The following ROBO1 variants were observed in gnomAD, a reference collection of about 807,000 sequenced individuals.
The protein encoded by ROBO1 is roundabout guidance receptor 1, also known as roundabout homolog 1.
ROBO1 carries 149 observed loss-of-function variants against 195.9 expected under a neutral mutation model. That is an observed-to-expected ratio of 0.76 (90% CI 0.67 to 0.87). The LOEUF (loss-of-function observed/expected upper bound fraction) is 0.87, where lower values mean the gene tolerates loss of function less well. ROBO1 is among the 40% of genes least tolerant of loss of function. The pLI, the probability that ROBO1 is intolerant of heterozygous loss-of-function variation, is 0.00. For missense variants in ROBO1, 1,933 were observed against 2,068.3 expected (o/e 0.93, Z 1.27); for synonymous variants, 816 against 733.2 (o/e 1.11, Z -1.82).
chr3:79,372,055 G>T (rs898372961), intron 2 of ROBO1, among the ~76,000 whole-genome samples: 4 of 152,062 alleles, frequency 2.6e-5, no homozygotes, highest in African/African-American at 9.7e-5. Context: ...TAGTGCCGCA[G>T]CTGATCTGAC....
intron 4 of ROBO1, among the ~76,000 whole-genome samples, chr3:78,851,438 A>G (rs996479520): frequency 2.0e-5 from 3 of 152,212 alleles, no homozygotes; most frequent in African/African-American, 7.2e-5. Flanking sequence ...GCATTTGGGT[A>G]AGTCGGGACT....
chr3:78,900,548 G>A (rs577713469), intron 4 of ROBO1, among the ~76,000 whole-genome samples: 39 of 152,194 alleles, frequency 2.6e-4, no homozygotes, highest in African/African-American at 9.1e-4. Flanking sequence ...ATACATTGAT[G>A]TTTTAAAATT....
chr3:79,125,692 C>A (rs2080203130), intron 2 of ROBO1, among the ~76,000 whole-genome samples, 153 bp from the exon 3 acceptor site: 2 of 152,154 alleles, frequency 1.3e-5, no homozygotes, highest in Non-Finnish European at 1.5e-5. Flanking sequence ...GCCCCTCCTG[C>A]GGCACACTAA....
At chr3:78,901,605 A>G (rs1280289934) in intron 4 of ROBO1, among the ~76,000 whole-genome samples, 1 of 152,204 alleles carries the variant, frequency 6.6e-6, no homozygotes, top group Non-Finnish European at 1.5e-5. Context: ...ATTTTTGACT[A>G]AAATCAAGAG....
At chr3:79,612,889 A>G (rs531691062) in intron 1 of ROBO1, among the ~76,000 whole-genome samples, 175 of 152,006 alleles carry the variant, frequency 1.2e-3, no homozygotes, top group African/African-American at 4.0e-3. Flanking sequence ...CTCCTCTAGT[A>G]CTTGCACATT....
intron 10 of ROBO1, among the ~76,000 whole-genome samples, chr3:78,681,307 C>T (rs2080901713): frequency 6.6e-6 from 1 of 151,808 alleles, no homozygotes; most frequent in South Asian, 2.1e-4. Context: ...ACATTGTGCA[C>T]ATGTACCCTA....
intron 2 of ROBO1, among the ~76,000 whole-genome samples, chr3:79,502,722 T>G (rs1302153056): frequency 6.6e-6 from 1 of 151,704 alleles, no homozygotes. Flanking sequence ...TATGTCTAGC[T>G]AAGGGATTGT....
chr3:79,363,676 GCA>G (rs1471434224), intron 2 of ROBO1, among the ~76,000 whole-genome samples: 4 of 152,116 alleles, frequency 2.6e-5, no homozygotes, highest in African/African-American at 9.7e-5. Flanking sequence ...GCATTCACAT[GCA>G]CACACACAGA....
chr3:78,943,085 A>G (rs1173957513), intron 3 of ROBO1, among the ~76,000 whole-genome samples: 2 of 151,728 alleles, frequency 1.3e-5, no homozygotes, highest in South Asian at 2.1e-4. Context: ...GCGTGGTGGC[A>G]GGCGCCTGTA....
chr3:78,751,308 T>A (rs1013489327), intron 4 of ROBO1, among the ~76,000 whole-genome samples: 2 of 152,000 alleles, frequency 1.3e-5, no homozygotes, highest in African/African-American at 4.8e-5. Context: ...ATAATAATAA[T>A]AATAATAATA....
intron 2 of ROBO1, among the ~76,000 whole-genome samples, chr3:79,364,650 T>G (rs1001644382): frequency 4.6e-5 from 7 of 152,178 alleles, no homozygotes; most frequent in Middle Eastern, 3.2e-3. Flanking sequence ...CTGGTTATAA[T>G]TTGCAGGGAT....
intron 3 of ROBO1, among the ~76,000 whole-genome samples, chr3:78,991,911 G>A (rs1449320554): frequency 6.6e-6 from 1 of 151,748 alleles, no homozygotes; most frequent in African/African-American, 2.4e-5. Context: ...AATAAACTCT[G>A]AAATATTTAG....
chr3:79,337,609 T>C (rs1248436052), intron 2 of ROBO1, among the ~76,000 whole-genome samples: 1 of 152,242 alleles, frequency 6.6e-6, no homozygotes, highest in Non-Finnish European at 1.5e-5. Flanking sequence ...CAGTTCTTTA[T>C]AGCAGCAGGA....
chr3:79,038,532 T>C (rs2078422931), intron 3 of ROBO1, among the ~76,000 whole-genome samples: 1 of 152,182 alleles, frequency 6.6e-6, no homozygotes, highest in Admixed American at 6.5e-5. Context: ...CCTGTCAGTA[T>C]ACTTCTCACT....
intron 21 of ROBO1, among the ~76,000 whole-genome samples, chr3:78,640,594 T>G (rs946261148): frequency 2.6e-5 from 4 of 152,164 alleles, no homozygotes; most frequent in Non-Finnish European, 5.9e-5. Flanking sequence ...TAGTGTTCAT[T>G]TTGTTATTTT....
chr3:79,418,857 C>T (rs2038110475), intron 2 of ROBO1, among the ~76,000 whole-genome samples: 1 of 152,040 alleles, frequency 6.6e-6, no homozygotes, highest in Non-Finnish European at 1.5e-5. Flanking sequence ...TAAATAAATA[C>T]TTAATTCTAA....
intron 3 of ROBO1, among the ~76,000 whole-genome samples, chr3:78,988,105 T>C (rs1466301107): frequency 1.3e-5 from 2 of 152,274 alleles, no homozygotes; most frequent in Non-Finnish European, 2.9e-5. Context: ...GAAATAATCT[T>C]GGGAAAGAGC....
At chr3:78,907,869 G>GA (rs2038016283) in intron 4 of ROBO1, among the ~76,000 whole-genome samples, 1 of 151,796 alleles carries the variant, frequency 6.6e-6, no homozygotes. Context: ...TTAATATGAA[G>GA]AAAAATTTTT....
chr3:79,117,382 A>G (rs1352532362), intron 3 of ROBO1, among the ~76,000 whole-genome samples: 1 of 148,848 alleles, frequency 6.7e-6, no homozygotes, highest in Non-Finnish European at 1.5e-5. Context: ...AACAAAAACA[A>G]AAAAAAAAAG....
Sources: allele counts gnomAD v4.1 joint callset (sites outside exome capture counted in the v4.1 genomes callset), GRCh38; gene constraint gnomAD v4.1.1; transcripts MANE v1.5; gene names NCBI Gene and HGNC (gene_info 2026-07-23, HGNC 2026-07-21).